The following SH3RF3 variants were observed in gnomAD, a reference collection of about 807,000 sequenced individuals.
SH3RF3 encodes the protein E3 ubiquitin-protein ligase SH3RF3.
SH3RF3 carries 29 observed loss-of-function variants against 66.3 expected under a neutral mutation model. The observed-to-expected ratio is 0.44, with a 90% CI of 0.33 to 0.60. SH3RF3 has a LOEUF of 0.60. Ranked by LOEUF, SH3RF3 falls within the 20% of genes least tolerant of loss-of-function variation. SH3RF3 has a pLI of 0.04. For synonymous variants in SH3RF3, 583 were observed against 532.0 expected, an observed-to-expected ratio of 1.10 and a Z score of -1.32; for missense variants, 1,194 against 1,190.9, an observed-to-expected ratio of 1.00 and a Z score of -0.04.
At chr2:109,154,392 C>T (rs376299350) in intron 1 of SH3RF3, among the ~76,000 whole-genome samples, 2 of 152,264 alleles carry the variant, frequency 1.3e-5, no homozygotes, top group African/African-American at 4.8e-5. Flanking sequence ...ACACAGAAGG[C>T]CCCCCAGCGC....
intron 5 of SH3RF3, among the ~76,000 whole-genome samples, chr2:109,430,410 CT>C (rs1381407609): frequency 6.6e-6 from 1 of 152,170 alleles, no homozygotes; most frequent in African/African-American, 2.4e-5. Flanking sequence ...CCTCTTCTGC[CT>C]TCCTTTGCCT....
At chr2:109,404,515 G>T (rs912464386) in intron 4 of SH3RF3, among the ~76,000 whole-genome samples, 1 of 152,132 alleles carries the variant, frequency 6.6e-6, no homozygotes, top group African/African-American at 2.4e-5. Context: ...CGGAAGTTTT[G>T]CCGGGCCTAG....
intron 3 of SH3RF3, among the ~76,000 whole-genome samples, chr2:109,392,250 G>A (rs1008906661): frequency 6.6e-6 from 1 of 152,118 alleles, no homozygotes; most frequent in Non-Finnish European, 1.5e-5. Flanking sequence ...AGAGGGGAAG[G>A]GCCTCCTCGT....
chr2:109,474,030 T>C (rs1203654506), intron 8 of SH3RF3, among the ~76,000 whole-genome samples: 1 of 152,292 alleles, frequency 6.6e-6, no homozygotes, highest in South Asian at 2.1e-4. Flanking sequence ...CTGGAGACTT[T>C]CTGTGCCTCT....
chr2:109,356,606 C>A (rs1279640906), intron 2 of SH3RF3, among the ~76,000 whole-genome samples: 1 of 152,208 alleles, frequency 6.6e-6, no homozygotes, highest in East Asian at 1.9e-4. Flanking sequence ...AGGCCCATCC[C>A]AGGGCTTGGC....
At chr2:109,269,979 A>G (rs1021262105) in intron 1 of SH3RF3, among the ~76,000 whole-genome samples, 4 of 152,230 alleles carry the variant, frequency 2.6e-5, no homozygotes, top group African/African-American at 9.6e-5. Flanking sequence ...ACAGAAATTA[A>G]TGAAGCCCTA....
At chr2:109,261,959 T>A (rs1680366891) in intron 1 of SH3RF3, among the ~76,000 whole-genome samples, 1 of 152,198 alleles carries the variant, frequency 6.6e-6, no homozygotes, top group Non-Finnish European at 1.5e-5. Flanking sequence ...AGCATTCCAC[T>A]TCATTACATC....
At chr2:109,347,044 C>T (rs567658067) in intron 1 of SH3RF3, among the ~76,000 whole-genome samples, 84 of 152,296 alleles carry the variant, frequency 5.5e-4, no homozygotes, top group African/African-American at 1.9e-3. Flanking sequence ...GCCATGAGTC[C>T]TCTGAGTGGA....
intron 1 of SH3RF3, among the ~76,000 whole-genome samples, chr2:109,156,655 A>G (rs1394765806): frequency 6.6e-6 from 1 of 152,190 alleles, no homozygotes; most frequent in Non-Finnish European, 1.5e-5. Flanking sequence ...CATGTTGGCC[A>G]GGCTGGTCAC....
chr2:109,215,749 G>A (rs933310172), intron 1 of SH3RF3, among the ~76,000 whole-genome samples: 1 of 152,174 alleles, frequency 6.6e-6, no homozygotes, highest in African/African-American at 2.4e-5. Context: ...ATCTAATGGG[G>A]GACATCGCTG....
chr2:109,482,824 A>G (rs1337168242), intron 8 of SH3RF3, among the ~76,000 whole-genome samples: 1 of 152,214 alleles, frequency 6.6e-6, no homozygotes, highest in Non-Finnish European at 1.5e-5. Context: ...TCTTCCACCA[A>G]AAACAAGCTA....
chr2:109,289,644 T>C (rs143564221), intron 1 of SH3RF3, among the ~76,000 whole-genome samples: 3 of 152,352 alleles, frequency 2.0e-5, no homozygotes, highest in Non-Finnish European at 4.4e-5. Flanking sequence ...ATGTTGGTTT[T>C]CATCCTATTC....
At position 109,384,191 on chromosome 2, in the gene SH3RF3, G is replaced by A. The variant is rs562031587; in HGVS notation, c.945+12510G>A. ...CACGTTCATCCAGTCCTTAAGCGCC[G>A]GCTGCGGGCCAGGCCCCGGGGATGC... is the stretch of plus-strand genomic sequence containing the variant. On this transcript the variant is annotated intron_variant, in intron 3 of 9. Coordinates refer to ENST00000309415, the MANE Select transcript of SH3RF3 (RefSeq NM_001099289.3). Among the ~76,000 whole-genome samples, 11 of 152,250 alleles carry A rather than the reference G, an allele frequency of 7.2e-5. No individual in the cohort carries two copies. In the East Asian group the frequency reaches 1.5e-3, roughly 21 times the overall value.
At position 109,398,929 on chromosome 2, in the gene SH3RF3, G is replaced by A. The variant is rs1451660266; in HGVS notation, c.1285G>A (p.Ala429Thr). Residue 429 changes from alanine to threonine, a missense_variant, in exon 4 of 10, where the codon GCT becomes ACT. By Grantham distance (58) the Ala-to-Thr change is moderately conservative. Coordinates refer to ENST00000309415, the MANE Select transcript of SH3RF3 (RefSeq NM_001099289.3). ...RIGDLAHLSC[A>T]APTQDVSSSA... Reference sequence around the variant, plus strand: ...TGGAGACCTTGCTCATCTGTCGTGCGCTGCTCCCACCCAGGTAACATCCCG... The same window carrying A: ...TGGAGACCTTGCTCATCTGTCGTGCACTGCTCCCACCCAGGTAACATCCCG... 3.0e-5 allele frequency: 49 copies of A among 1,611,676 alleles called. No individual in the cohort carries two copies. Among genetic ancestry groups the A allele is most frequent in the Non-Finnish European group, 3.8e-5 (45 of 1,179,528 alleles).
chr2:109,485,569 T>C (rs1394640089), intron 8 of SH3RF3, among the ~76,000 whole-genome samples: 2 of 152,246 alleles, frequency 1.3e-5, no homozygotes, highest in African/African-American at 4.8e-5. Context: ...AATCTATTAC[T>C]TTACCATTTG....
chr2:109,406,012 C>T (rs966714719), intron 4 of SH3RF3, among the ~76,000 whole-genome samples: 1 of 152,196 alleles, frequency 6.6e-6, no homozygotes, highest in Non-Finnish European at 1.5e-5. Flanking sequence ...GGCTGCACAT[C>T]GATGGCTGGG....
chr2:109,274,799 A>C (rs1558995693), intron 1 of SH3RF3, among the ~76,000 whole-genome samples: 1 of 152,176 alleles, frequency 6.6e-6, no homozygotes, highest in East Asian at 1.9e-4. Flanking sequence ...TTTTGCATCA[A>C]TAAAAGAGCT....
At chr2:109,180,004 A>C (rs1252052195) in intron 1 of SH3RF3, among the ~76,000 whole-genome samples, 6 of 152,198 alleles carry the variant, frequency 3.9e-5, no homozygotes, top group Admixed American at 2.0e-4. Context: ...TGCAAGAATC[A>C]GACCCATTCA....
intron 1 of SH3RF3, among the ~76,000 whole-genome samples, chr2:109,347,045 T>G (rs58309862): frequency 0.21 from 31,298 of 152,158 alleles, 3,687 homozygotes; most frequent in African/African-American, 0.33. Flanking sequence ...CCATGAGTCC[T>G]CTGAGTGGAA....
Sources: allele counts gnomAD v4.1 joint callset (sites outside exome capture counted in the v4.1 genomes callset), GRCh38; gene constraint gnomAD v4.1.1; transcripts MANE v1.5; gene names NCBI Gene and HGNC (gene_info 2026-07-23, HGNC 2026-07-21).